OR9Q1: variants seen among roughly 807,000 people sequenced by gnomAD.
The protein encoded by OR9Q1 is olfactory receptor 9Q1.
For synonymous variants in OR9Q1, 153 were observed against 148.6 expected (o/e 1.03, Z -0.22); for missense variants, 374 against 378.8 (o/e 0.99, Z 0.11).
chr11:58,108,820 A>G (rs1853867747), intron 2 of OR9Q1: 1 of 330,764 alleles, frequency 3.0e-6, no homozygotes, highest in South Asian at 2.6e-5. Context: ...CATAGGGATG[A>G]TTACAGTGTA....
chr11:58,165,522 C>T (rs76860618), intron 2 of OR9Q1, among the ~76,000 whole-genome samples: 2 of 152,156 alleles, frequency 1.3e-5, no homozygotes, highest in Admixed American at 1.3e-4. Flanking sequence ...TCCTGCAGTA[C>T]CCTCTCTGCT....
intron 2 of OR9Q1, chr11:58,118,814 C>A (rs1297747532): frequency 1.2e-6 from 2 of 1,614,032 alleles, no homozygotes; most frequent in Admixed American, 3.3e-5. Flanking sequence ...ATGACGGAGG[C>A]ATTGGCCAAA....
At chr11:58,120,294 GTT>G (rs1346688383) in intron 2 of OR9Q1, among the ~76,000 whole-genome samples, 1 of 152,052 alleles carries the variant, frequency 6.6e-6, no homozygotes, top group Non-Finnish European at 1.5e-5. Flanking sequence ...TAAAATCAAA[GTT>G]GGGTAGAGTT....
chr11:58,068,738 T>C (rs996250653), intron 2 of OR9Q1, among the ~76,000 whole-genome samples: 6 of 152,036 alleles, frequency 3.9e-5, no homozygotes, highest in African/African-American at 1.2e-4. Flanking sequence ...TATTCCAGGA[T>C]TGGTAATTCA....
At chr11:58,123,759 C>T (rs911789458) in intron 2 of OR9Q1, among the ~76,000 whole-genome samples, 5 of 152,126 alleles carry the variant, frequency 3.3e-5, no homozygotes, top group Non-Finnish European at 5.9e-5. Context: ...ACCCTTTATG[C>T]AGATCCAAGC....
At position 58,102,747 on chromosome 11, in the gene OR9Q1, G is replaced by A. The variant is rs78491631; in HGVS notation, c.-15+46800G>A. Among the ~76,000 whole-genome samples the A allele has an allele frequency of 7.5e-3, 1,147 of 152,070 alleles. 8 individuals carry two copies. Among genetic ancestry groups the A allele is most frequent in the Non-Finnish European group, 0.01 (700 of 67,982 alleles). ...ACTAAAATGTGCTCCAGAGAGGATC[G>A]GTTGGGTTGAATTTATTTAGGGACT... On this transcript the variant is annotated intron_variant, in intron 2 of 2. Coordinates refer to ENST00000335397, the MANE Select transcript of OR9Q1 (RefSeq NM_001005212.4).
At chr11:58,025,772 T>C (rs929089505) in intron 1 of OR9Q1, among the ~76,000 whole-genome samples, 1 of 152,194 alleles carries the variant, frequency 6.6e-6, no homozygotes, top group African/African-American at 2.4e-5. Context: ...GTCTAATGCC[T>C]GAATGTAGCC....
At chr11:58,142,184 C>T (rs1854256423) in intron 2 of OR9Q1, among the ~76,000 whole-genome samples, 1 of 151,944 alleles carries the variant, frequency 6.6e-6, no homozygotes, top group South Asian at 2.1e-4. Flanking sequence ...ATTTTTTTCA[C>T]AGCACTTACC....
chr11:58,073,076 T>A, intron 2 of OR9Q1: 1 of 207,674 alleles, frequency 4.8e-6, no homozygotes. Context: ...CTGTCTCATA[T>A]ACATATGCAT....
At chr11:58,058,541 G>A (rs1184690171) in intron 2 of OR9Q1, among the ~76,000 whole-genome samples, 2 of 152,178 alleles carry the variant, frequency 1.3e-5, no homozygotes, top group African/African-American at 4.8e-5. Context: ...ACCCAGCACC[G>A]AGGGGTTATA....
intron 2 of OR9Q1, among the ~76,000 whole-genome samples, chr11:58,114,537 C>A (rs1853932522): frequency 6.6e-6 from 1 of 152,080 alleles, no homozygotes; most frequent in Non-Finnish European, 1.5e-5. Context: ...ATCCTCCTTT[C>A]TCTTCATCTA....
At chr11:58,090,753 T>G (rs2120063712) in intron 2 of OR9Q1, among the ~76,000 whole-genome samples, 1 of 152,228 alleles carries the variant, frequency 6.6e-6, no homozygotes, top group East Asian at 1.9e-4. Flanking sequence ...TAGAATTTGG[T>G]TGTGAATCCA....
chr11:58,102,752 G>T (rs1345295610), intron 2 of OR9Q1, among the ~76,000 whole-genome samples: 4 of 152,068 alleles, frequency 2.6e-5, no homozygotes, highest in Admixed American at 1.3e-4. Flanking sequence ...GGATCGGTTG[G>T]GTTGAATTTA....
At chr11:58,089,446 C>G (rs1486789263) in intron 2 of OR9Q1, among the ~76,000 whole-genome samples, 1 of 151,846 alleles carries the variant, frequency 6.6e-6, no homozygotes, top group Admixed American at 6.6e-5. Flanking sequence ...TGTCGAAGGT[C>G]AGATGGCTGT....
chr11:58,080,955 T>C (rs1038391526), intron 2 of OR9Q1, among the ~76,000 whole-genome samples: 1 of 152,150 alleles, frequency 6.6e-6, no homozygotes, highest in African/African-American at 2.4e-5. Context: ...CTCCTAATGC[T>C]ATCCCTCCCC....
In OR9Q1 at chr11:58,179,881, C is replaced by A. The variant is rs757550676; in HGVS notation, c.437C>A (p.Ala146Asp). 1.8e-5 allele frequency: 29 copies of A among 1,614,048 alleles called. No homozygotes were observed. The highest frequency in any genetic ancestry group is 9.3e-6 in the Non-Finnish European group (11 of 1,180,028). ...LTQQARLSLVAGAYVAGLISA... is the reference protein window; with the variant it reads ...LTQQARLSLVDGAYVAGLISA... ...CAGCAGGCCCGCTTGAGTCTTGTGG[C>A]TGGGGCTTACGTTGCTGGTCTCATC... Residue 146 changes from alanine to aspartate, a missense_variant, in exon 3 of 3, where the codon GCT (alanine) becomes GAT (aspartate). Coordinates refer to ENST00000335397, the MANE Select transcript of OR9Q1 (RefSeq NM_001005212.4).
At chr11:58,065,991 A>G (rs1199249047) in intron 2 of OR9Q1, among the ~76,000 whole-genome samples, 1 of 152,128 alleles carries the variant, frequency 6.6e-6, no homozygotes, top group African/African-American at 2.4e-5. Flanking sequence ...GAACTCACGG[A>G]GAGGGGCGCT....
chr11:58,113,608 C>T (rs972716575), intron 2 of OR9Q1, among the ~76,000 whole-genome samples: 2 of 152,194 alleles, frequency 1.3e-5, no homozygotes, highest in South Asian at 2.1e-4. Flanking sequence ...CTAGCTCATT[C>T]GCAGTTCATG....
intron 1 of OR9Q1, among the ~76,000 whole-genome samples, chr11:58,029,047 G>A (rs1211594531): frequency 3.3e-5 from 5 of 152,186 alleles, no homozygotes; most frequent in African/African-American, 4.8e-5. Flanking sequence ...CACAACTAGG[G>A]TATAACTGCT....
Sources: gnomAD v4.1 joint callset for allele counts (sites outside exome capture counted in the v4.1 genomes callset) on GRCh38, gnomAD v4.1.1 for gene constraint, MANE v1.5 for transcripts, NCBI Gene and HGNC (gene_info 2026-07-23, HGNC 2026-07-21) for gene names.